ENTREP2: variants seen among roughly 807,000 people sequenced by gnomAD.
The protein encoded by ENTREP2 is endosomal transmembrane epsin interactor 2.
At chr15:29,432,284 C>T in the ENTREP2 span, among the ~76,000 whole-genome samples, 1 of 152,146 alleles carries the variant, frequency 6.6e-6, no homozygotes, top group Non-Finnish European at 1.5e-5. Context: ...CCCACCTCTG[C>T]CCCAGACACC....
At chr15:29,246,224 C>T in the ENTREP2 span, among the ~76,000 whole-genome samples, 6 of 147,942 alleles carry the variant, frequency 4.1e-5, no homozygotes, top group African/African-American at 1.3e-4. Flanking sequence ...AAACTCTCTA[C>T]AAAAAATACA....
the ENTREP2 span, among the ~76,000 whole-genome samples, chr15:29,383,882 A>G: frequency 1.3e-5 from 2 of 152,076 alleles, no homozygotes; most frequent in Non-Finnish European, 2.9e-5. Context: ...AGTCCTCCAA[A>G]CACAGTTACC....
chr15:29,247,473 T>C, the ENTREP2 span, among the ~76,000 whole-genome samples: 4 of 152,190 alleles, frequency 2.6e-5, no homozygotes, highest in Non-Finnish European at 5.9e-5. Flanking sequence ...TGTCCTACCA[T>C]GTATAAAAAT....
At chr15:29,227,129 G>C in the ENTREP2 span, among the ~76,000 whole-genome samples, 1 of 152,200 alleles carries the variant, frequency 6.6e-6, no homozygotes, top group Admixed American at 6.5e-5. Flanking sequence ...CTGGCTGGAG[G>C]GGGAATGACA....
At chr15:29,591,773 A>G in the ENTREP2 span, among the ~76,000 whole-genome samples, 1 of 151,772 alleles carries the variant, frequency 6.6e-6, no homozygotes, top group Admixed American at 6.6e-5. Flanking sequence ...CAGGAATTCA[A>G]GCATCGATCA....
chr15:29,487,791 C>T, the ENTREP2 span, among the ~76,000 whole-genome samples: 1 of 152,234 alleles, frequency 6.6e-6, no homozygotes, highest in Non-Finnish European at 1.5e-5. Context: ...CTCCTGGATT[C>T]AACTAATTAT....
chr15:29,167,867 C>T, the ENTREP2 span, among the ~76,000 whole-genome samples: 23 of 152,260 alleles, frequency 1.5e-4, no homozygotes, highest in African/African-American at 2.4e-4. Context: ...TACTTGCACA[C>T]GCATGTTTAT....
the ENTREP2 span, among the ~76,000 whole-genome samples, chr15:29,294,665 A>G: frequency 1.3e-5 from 2 of 152,348 alleles, no homozygotes; most frequent in South Asian, 2.1e-4. Flanking sequence ...CTTGGAAATG[A>G]AAGTGCCATA....
At chr15:29,332,680 C>G in the ENTREP2 span, among the ~76,000 whole-genome samples, 7 of 152,240 alleles carry the variant, frequency 4.6e-5, no homozygotes, top group African/African-American at 1.7e-4. Context: ...ATACTTGGAG[C>G]CGGGTGGGGT....
the ENTREP2 span, among the ~76,000 whole-genome samples, chr15:29,279,186 T>C: frequency 9.8e-5 from 15 of 152,288 alleles, no homozygotes; most frequent in South Asian, 3.1e-3. Context: ...GCCCATCACG[T>C]ATGTTGACGT....
the ENTREP2 span, among the ~76,000 whole-genome samples, chr15:29,249,167 G>T: frequency 3.9e-5 from 6 of 152,314 alleles, no homozygotes; most frequent in South Asian, 1.2e-3. Context: ...AGTTAGCTGG[G>T]CGTGGTGGCC....
At chr15:29,408,436 TG>T in the ENTREP2 span, among the ~76,000 whole-genome samples, 1 of 151,764 alleles carries the variant, frequency 6.6e-6, no homozygotes, top group East Asian at 1.9e-4. Flanking sequence ...AACGCCCTGG[TG>T]GGATGGATGC....
At chr15:29,488,577 T>C in the ENTREP2 span, among the ~76,000 whole-genome samples, 1 of 152,176 alleles carries the variant, frequency 6.6e-6, no homozygotes, top group African/African-American at 2.4e-5. Context: ...TCAGTGAGTT[T>C]CAAGTGAGAT....
At chr15:29,372,465 A>T in the ENTREP2 span, among the ~76,000 whole-genome samples, 18 of 152,288 alleles carry the variant, frequency 1.2e-4, no homozygotes, top group African/African-American at 4.3e-4. Flanking sequence ...ACTTGTAGTT[A>T]AGTTTTTGAG....
At chr15:29,141,187 A>G in the ENTREP2 span, among the ~76,000 whole-genome samples, 1 of 152,212 alleles carries the variant, frequency 6.6e-6, no homozygotes, top group Non-Finnish European at 1.5e-5. Flanking sequence ...CACACAGCCC[A>G]GAGTCTGGGA....
At chr15:29,430,389 G>A in the ENTREP2 span, among the ~76,000 whole-genome samples, 2 of 152,152 alleles carry the variant, frequency 1.3e-5, no homozygotes, top group Non-Finnish European at 2.9e-5. Context: ...GCTCTAGGAC[G>A]TGTACTCGCC....
At chr15:29,213,485 G>C in the ENTREP2 span, among the ~76,000 whole-genome samples, 61,346 of 151,854 alleles carry the variant, frequency 0.4, 12,692 homozygotes, top group East Asian at 0.6. Context: ...GTTTGTAGTT[G>C]TCCTTGAAGA....
chr15:29,330,157 G>A, the ENTREP2 span, among the ~76,000 whole-genome samples: 1 of 152,062 alleles, frequency 6.6e-6, no homozygotes, highest in Non-Finnish European at 1.5e-5. Context: ...GAACAGTCTT[G>A]GCCGAGCGCG....
chr15:29,637,857 A>G, the ENTREP2 span, among the ~76,000 whole-genome samples: 5 of 152,216 alleles, frequency 3.3e-5, no homozygotes, highest in African/African-American at 1.2e-4. Flanking sequence ...AGCTCGTCGC[A>G]CTGCCAACGC....
Sources: gnomAD v4.1 joint callset for allele counts (sites outside exome capture counted in the v4.1 genomes callset) on GRCh38, gnomAD v4.1.1 for gene constraint, MANE v1.5 for transcripts, NCBI Gene and HGNC (gene_info 2026-07-23, HGNC 2026-07-21) for gene names.